IRS2: variants seen among roughly 807,000 people sequenced by gnomAD.
IRS2 encodes the protein insulin receptor substrate 2.
IRS2 carries 28 observed loss-of-function variants against 70.9 expected under a neutral mutation model. The ratio of observed to expected loss-of-function variants is 0.39; its 90% CI spans 0.29 to 0.54. IRS2 has a LOEUF of 0.54. Among genes scored for constraint, IRS2 ranks in the 20% least tolerant of loss-of-function variants. The pLI is 0.59. For synonymous variants in IRS2, 1,217 were observed against 981.9 expected (o/e 1.24, Z -4.48); for missense variants, 2,081 against 2,024.1 (o/e 1.03, Z -0.54).
At chr13:109,757,036 A>G (rs1465478256) in intron 1 of IRS2, among the ~76,000 whole-genome samples, 3 of 152,206 alleles carry the variant, frequency 2.0e-5, no homozygotes, top group African/African-American at 7.2e-5. Flanking sequence ...CTCAGAGGGG[A>G]CAGGGACTGA....
In IRS2 at chr13:109,783,935, G is replaced by A. The variant is rs1877819485; in HGVS notation, c.2119C>T (p.Pro707Ser). Residue 707 changes from proline (P) to serine (S), a missense_variant, in exon 1 of 2, where the codon CCT (proline) becomes TCT (serine). By Grantham distance (74) the Pro-to-Ser change is moderately conservative. This residue lies in a region of IRS2 where 1,615 missense variants were observed against 1,459.5 expected (regional missense o/e 1.11). Transcript: ENST00000375856. Reference sequence around the variant, plus strand: ...GCAGAGGTGGGTGCTGGCCCCGCAGGCCCCGCAGAAGGCACGGCGGCGGCG... The same window carrying A: ...GCAGAGGTGGGTGCTGGCCCCGCAGACCCCGCAGAAGGCACGGCGGCGGCG... ...AAAAAVPSAG[P>S]AGPAPTSAAG... The A allele has an allele frequency of 6.5e-7, 1 of 1,539,406 alleles. No homozygotes were observed. Among genetic ancestry groups the A allele is most frequent in the East Asian group, 2.5e-5 (1 of 40,654 alleles).
chr13:109,754,952 A>G lies in IRS2; in HGVS notation c.*1352T>C. 4.5e-6 allele frequency: 1 copy of G among 223,526 alleles called. No individual in the cohort carries two copies. The highest frequency in any genetic ancestry group is 8.9e-6 in the Non-Finnish European group (1 of 112,058). The allele number at this position is 223,526 out of a possible 1,614,324, so 13.8% of individuals were successfully genotyped here. ...ACTGGGGAAGCCCCCACGGGAGGAG[A>G]GGTCGACAGCCCTCCAATCAAGTGT... On this transcript the variant is annotated 3_prime_UTR_variant, in exon 2 of 2. Coordinates refer to ENST00000375856, the MANE Select transcript of IRS2 (RefSeq NM_003749.3).
At chr13:109,758,928 GAGGGAGGAAGGGGAAAGGGAAGGAGA>G (rs1877167841) in intron 1 of IRS2, among the ~76,000 whole-genome samples, 1 of 151,770 alleles carries the variant, frequency 6.6e-6, no homozygotes, top group Admixed American at 6.6e-5. Context: ...AAAAAAGAAG[GAGGGAGGAAGGGGAAAGGGAAGGAGA>G]AGGGAGGAAG....
Position 109,782,863 on chromosome 13 carries a change from G to T in IRS2, c.3191C>A (p.Ser1064Ter). The T allele has an allele frequency of 6.3e-7, 1 of 1,576,988 alleles. No homozygotes were observed. The highest frequency in any genetic ancestry group is 2.3e-5 in the East Asian group (1 of 43,336). Residue 1064 changes from serine (S) to a stop codon, truncating the protein, a stop_gained, in exon 1 of 2, where the codon TCG becomes TAG. Transcript: ENST00000375856. LOFTEE classifies it high-confidence loss of function. ...GTAGTCACCATTGTCCCCGGTGTCC[G>T]AGGACAACGATGAGGCGGCGCCCGG... ...QGPGAASSLSSDTGDNGDYTE... is the reference protein window; with the variant it reads ...QGPGAASSLS
In IRS2 at chr13:109,783,307, G is replaced by A. The variant is rs765307327; in HGVS notation, c.2747C>T (p.Pro916Leu). 1.9e-6 allele frequency: 3 copies of A among 1,546,106 alleles called. No individual in the cohort carries two copies. Among genetic ancestry groups the A allele is most frequent in the South Asian group, 1.2e-5 (1 of 84,686 alleles). Reference sequence around the variant, plus strand: ...AAAGTCGATGTTGATGTACTCGCCGGGGCTCTTGGGCTCCGGTGGCAGTGG... The same window carrying A: ...AAAGTCGATGTTGATGTACTCGCCGAGGCTCTTGGGCTCCGGTGGCAGTGG... ...EYPLPPEPKS[P>L]GEYINIDFGE... The change falls in exon 1 of 2, where the codon CCC becomes CTC. Residue 916 changes from proline to leucine, a missense_variant. Coordinates refer to ENST00000375856, the MANE Select transcript of IRS2 (RefSeq NM_003749.3).
chr13:109,757,293 C>T (rs979798422), intron 1 of IRS2, among the ~76,000 whole-genome samples: 5 of 152,156 alleles, frequency 3.3e-5, no homozygotes, highest in East Asian at 1.9e-4. Context: ...GGGTGAGCAC[C>T]GCTTTGCTCT....
In IRS2 at chr13:109,784,625, G is replaced by C; in HGVS notation, c.1429C>G (p.Pro477Ala). 1.5e-6 allele frequency: 2 copies of C among 1,332,558 alleles called. No individual in the cohort carries two copies. The highest frequency in any genetic ancestry group is 1.9e-6 in the Non-Finnish European group (2 of 1,047,324). The allele number at this position is 1,332,558 out of a possible 1,614,324, so 82.5% of individuals were successfully genotyped here. A position where few individuals can be genotyped will look rare whatever the true frequency, so the allele number is the denominator to read the frequency against. ...PPLPHPLHHG[P>A]GQRPSSGSAS... ...CTGCCGCTGGAGGGCCGCTGGCCGG[G>C]GCCGTGGTGCAGCGGATGCGGCAGA... The change falls in exon 1 of 2, where the codon CCC becomes GCC. Residue 477 changes from proline to alanine, a missense_variant. This residue lies in a region of IRS2 where 1,615 missense variants were observed against 1,459.5 expected (regional missense o/e 1.11). Transcript: ENST00000375856. This position sits in a 1 kb window ranked among gnomAD's most constrained non-coding sequence, Gnocchi z 5.2.
Position 109,766,771 on chromosome 13 carries a change from C to T in IRS2, c.4013-10463G>A, listed in dbSNP as rs550449967. Among the ~76,000 whole-genome samples, 149 of 148,808 alleles carry T rather than the reference C, an allele frequency of 1.0e-3. 17 individuals are homozygous for T. Among genetic ancestry groups the T allele is most frequent in the African/African-American group, 3.6e-3 (142 of 39,678 alleles). On this transcript the variant is annotated intron_variant, in intron 1 of 1. Coordinates refer to ENST00000375856, the MANE Select transcript of IRS2 (RefSeq NM_003749.3). ...CCAGCCTCATCCACCCTGACTCCAACTCCCCACCAAGCATGTAGATATCCC... is the reference window on the plus strand; with the variant it reads ...CCAGCCTCATCCACCCTGACTCCAATTCCCCACCAAGCATGTAGATATCCC...
chr13:109,759,419 G>T (rs1172930482), intron 1 of IRS2, among the ~76,000 whole-genome samples: 3 of 152,150 alleles, frequency 2.0e-5, no homozygotes, highest in Non-Finnish European at 2.9e-5. Flanking sequence ...ATCCTTTGCG[G>T]AGGTGCAAAA....
chr13:109,770,559 T>C (rs1331241188), intron 1 of IRS2, among the ~76,000 whole-genome samples: 1 of 152,228 alleles, frequency 6.6e-6, no homozygotes, highest in African/African-American at 2.4e-5. Context: ...GGACCAGTAC[T>C]GTGAATGTTC....
chr13:109,768,360 T>G (rs1291079414), intron 1 of IRS2, among the ~76,000 whole-genome samples: 1 of 152,206 alleles, frequency 6.6e-6, no homozygotes, highest in African/African-American at 2.4e-5. Flanking sequence ...TTATTAAACA[T>G]GCACTTTCCT....
chr13:109,782,474 G>A lies in IRS2; in HGVS notation c.3580C>T (p.Pro1194Ser), dbSNP rs573895037. Residue 1194 changes from proline (P) to serine (S), a missense_variant, in exon 1 of 2, where the codon CCT (proline) becomes TCT (serine). This residue lies in a region of IRS2 where 1,615 missense variants were observed against 1,459.5 expected (regional missense o/e 1.11). Coordinates refer to ENST00000375856, the MANE Select transcript of IRS2 (RefSeq NM_003749.3). ...GTGGGCGGCTCGTCGCCCCCTCCAGGGCCGACACCCACGCCGCCCTCGCTG... is the reference window on the plus strand; with the variant it reads ...GTGGGCGGCTCGTCGCCCCCTCCAGAGCCGACACCCACGCCGCCCTCGCTG... ...KSSEGGVGVGPGGGDEPPTSP... is the reference protein window; with the variant it reads ...KSSEGGVGVGSGGGDEPPTSP... The A allele has an allele frequency of 1.9e-6, 3 of 1,561,686 alleles. No individual in the cohort carries two copies. In the South Asian group the frequency reaches 3.5e-5, roughly 18 times the overall value.
At chr13:109,769,906 T>C (rs1877414934) in intron 1 of IRS2, among the ~76,000 whole-genome samples, 1 of 152,268 alleles carries the variant, frequency 6.6e-6, no homozygotes, top group Non-Finnish European at 1.5e-5. Context: ...CTCACCATTT[T>C]TGCCATCGTC....
At chr13:109,777,764 G>T in intron 1 of IRS2, among the ~76,000 whole-genome samples, 1 of 152,126 alleles carries the variant, frequency 6.6e-6, no homozygotes, top group Non-Finnish European at 1.5e-5. Context: ...GTAATAAAAG[G>T]TAATCAGAAG....
chr13:109,783,681 G>C lies in IRS2; in HGVS notation c.2373C>G (p.Gly791=), dbSNP rs1296420339. The C allele has an allele frequency of 3.2e-6, 5 of 1,559,134 alleles. No homozygotes were observed. Among genetic ancestry groups the C allele is most frequent in the Non-Finnish European group, 4.3e-6 (5 of 1,151,652 alleles). The change falls in exon 1 of 2, where the codon GGC becomes GGG. Residue 791 remains glycine (G), a synonymous_variant. Transcript: ENST00000375856. ...PDFFSAALHP[G]GEPLRGVPGC... is the part of the protein sequence containing the mutation. ...CGGGAACGCCCCTGAGCGGCTCCCC[G>C]CCGGGGTGCAGGGCTGCGGAGAAGA...
rs1466068975 is a variant in IRS2 at position 109,785,787 on chromosome 13, C to T, written c.267G>A (p.Pro89=). The change falls in exon 1 of 2, where the codon CCG becomes CCA. Residue 89 remains proline, a synonymous_variant. Coordinates refer to ENST00000375856, the MANE Select transcript of IRS2 (RefSeq NM_003749.3). This position sits in a 1 kb window ranked among gnomAD's most constrained non-coding sequence, Gnocchi z 9.3. Reference sequence around the variant, plus strand: ...AGCAGTCGAGAGCGATCACCCGTTTCGGCGCGCCTGCCTTGCTCCGCCACT... The same window carrying T: ...AGCAGTCGAGAGCGATCACCCGTTTTGGCGCGCCTGCCTTGCTCCGCCACT... ...EKKWRSKAGA[P]KRVIALDCCL... The T allele has an allele frequency of 6.3e-7, 1 of 1,585,426 alleles. No individual in the cohort carries two copies. The highest frequency in any genetic ancestry group is 8.5e-7 in the Non-Finnish European group (1 of 1,173,350).
In IRS2 at chr13:109,785,748, G is replaced by C; in HGVS notation, c.306C>G (p.Asn102Lys). 3 of 1,596,728 alleles carry C rather than the reference G, an allele frequency of 1.9e-6. No homozygotes were observed. The highest frequency in any genetic ancestry group is 2.5e-6 in the Non-Finnish European group (3 of 1,177,902). Residue 102 changes from asparagine to lysine, a missense_variant, in exon 1 of 2, where the codon AAC (asparagine) becomes AAG (lysine). Transcript: ENST00000375856. This position sits in a 1 kb window ranked among gnomAD's most constrained non-coding sequence, Gnocchi z 9.3. Reference protein sequence around the residue: ...VIALDCCLNINKRADAKHKYL... With the variant: ...VIALDCCLNIKKRADAKHKYL... ...ACTTGTGCTTGGCGTCGGCGCGCTTGTTGATGTTCAGGCAGCAGTCGAGAG... is the reference window on the plus strand; with the variant it reads ...ACTTGTGCTTGGCGTCGGCGCGCTTCTTGATGTTCAGGCAGCAGTCGAGAG...
intron 1 of IRS2, among the ~76,000 whole-genome samples, chr13:109,771,251 A>G (rs1340100128): frequency 2.0e-5 from 3 of 152,126 alleles, no homozygotes; most frequent in Non-Finnish European, 4.4e-5. Flanking sequence ...GGATGTTTAT[A>G]TCTAAAAGGG....
chr13:109,764,566 G>T (rs1232603997), intron 1 of IRS2, among the ~76,000 whole-genome samples: 5 of 152,200 alleles, frequency 3.3e-5, no homozygotes, highest in African/African-American at 1.2e-4. Flanking sequence ...CCTTTGCTTT[G>T]TGCACCTTCA....
Sources: allele counts gnomAD v4.1 joint callset (sites outside exome capture counted in the v4.1 genomes callset), GRCh38; gene constraint gnomAD v4.1.1; regional missense constraint gnomAD v4.1.1; non-coding constraint Gnocchi (gnomAD v3.1); transcripts MANE v1.5; gene names NCBI Gene and HGNC (gene_info 2026-07-23, HGNC 2026-07-21).